The following MALRD1 variants were observed in gnomAD, a reference collection of about 807,000 sequenced individuals.
MALRD1 encodes the protein MAM and LDL receptor class A domain containing 1.
In MALRD1, 247 loss-of-function variants were observed where a neutral mutation model predicts 242.1. The observed-to-expected ratio is 1.02, with a 90% confidence interval of 0.92 to 1.13. The LOEUF (loss-of-function observed/expected upper bound fraction) is 1.13. Ranked by LOEUF, MALRD1 falls within the 50% of genes most tolerant of loss-of-function variation. The pLI, the probability that MALRD1 is intolerant of heterozygous loss-of-function variation, is 0.00. For missense variants in MALRD1, 2,989 were observed against 2,533.1 expected, an observed-to-expected ratio of 1.18 and a Z score of -3.86; for synonymous variants, 995 against 866.6, an observed-to-expected ratio of 1.15 and a Z score of -2.60.
chr10:19,520,690 C>T (rs1833838149), intron 31 of MALRD1, among the ~76,000 whole-genome samples: 1 of 144,756 alleles, frequency 6.9e-6, no homozygotes, highest in Non-Finnish European at 1.5e-5. Context: ...GGTTAGGGTC[C>T]TTCCTGTTTC....
At position 19,310,717 on chromosome 10, in the gene MALRD1, C is replaced by G. The variant is rs540806236; in HGVS notation, c.3420-13232C>G. Among the ~76,000 whole-genome samples the G allele has an allele frequency of 2.0e-5, 3 of 151,492 alleles. No individual in the cohort carries two copies. In the East Asian group the frequency reaches 5.9e-4, roughly 30 times the overall value. ...CCATGCAATTAATCCATCTGTTCTT[C>G]CAATATGACTCTATTTTGTGCCACT... is the stretch of plus-strand genomic sequence containing the variant. On this transcript the variant is annotated intron_variant, in intron 21 of 39. Coordinates refer to ENST00000454679, the MANE Select transcript of MALRD1 (RefSeq NM_001142308.3).
intron 35 of MALRD1, among the ~76,000 whole-genome samples, chr10:19,613,443 T>C (rs896550570): frequency 6.6e-6 from 1 of 151,968 alleles, no homozygotes; most frequent in Non-Finnish European, 1.5e-5. Context: ...CAGCCAGAAG[T>C]GTGGCCATTA....
chr10:19,375,492 A>G (rs1845556293), intron 26 of MALRD1, among the ~76,000 whole-genome samples: 1 of 152,128 alleles, frequency 6.6e-6, no homozygotes, highest in Non-Finnish European at 1.5e-5. Flanking sequence ...TCTTGTTGAT[A>G]TACCAAAATC....
At chr10:19,602,648 A>G (rs919042981) in intron 34 of MALRD1, among the ~76,000 whole-genome samples, 7 of 152,214 alleles carry the variant, frequency 4.6e-5, no homozygotes, top group East Asian at 1.9e-4. Context: ...TAGTGCCACA[A>G]TAAACATACG....
rs1477388096 is a variant in MALRD1 at position 19,524,544 on chromosome 10, C to T, written c.5321-6650C>T. Reference sequence around the variant, plus strand: ...GCACAAAAAGAGATTGAGAGCGTTTCACCTGATAGTCATTAGACACCCTTC... The same window carrying T: ...GCACAAAAAGAGATTGAGAGCGTTTTACCTGATAGTCATTAGACACCCTTC... On this transcript the variant is annotated intron_variant, in intron 31 of 39. Coordinates refer to ENST00000454679, the MANE Select transcript of MALRD1 (RefSeq NM_001142308.3). 3.3e-5 allele frequency among the ~76,000 whole-genome samples: 5 copies of T among 152,148 alleles called. No individual in the cohort carries two copies. In the South Asian group the frequency reaches 6.2e-4, roughly 19 times the overall value.
chr10:19,185,207 G>T (rs1302091721), intron 14 of MALRD1, among the ~76,000 whole-genome samples: 1 of 152,120 alleles, frequency 6.6e-6, no homozygotes, highest in Non-Finnish European at 1.5e-5. Flanking sequence ...AAACTATTTT[G>T]TACTGGCTGT....
intron 33 of MALRD1, among the ~76,000 whole-genome samples, chr10:19,587,094 G>C (rs966979266): frequency 6.6e-6 from 1 of 152,206 alleles, no homozygotes; most frequent in Non-Finnish European, 1.5e-5. Context: ...CTCGCGCACG[G>C]TGCATGCACC....
intron 12 of MALRD1, among the ~76,000 whole-genome samples, chr10:19,162,519 G>A (rs1834476601): frequency 1.3e-5 from 2 of 152,284 alleles, no homozygotes; most frequent in African/African-American, 2.4e-5. Flanking sequence ...GAGGCACAGA[G>A]TTTCCATACT....
chr10:19,254,352 C>T (rs554169205), intron 18 of MALRD1, among the ~76,000 whole-genome samples: 1 of 151,848 alleles, frequency 6.6e-6, no homozygotes, highest in Non-Finnish European at 1.5e-5. Flanking sequence ...TATCTGCTTA[C>T]CAGTTGGGAG....
intron 36 of MALRD1, among the ~76,000 whole-genome samples, chr10:19,632,000 A>G (rs1042782488): frequency 9.9e-5 from 15 of 152,162 alleles, no homozygotes; most frequent in African/African-American, 3.6e-4. Context: ...AGTATCAGTC[A>G]GGAACCTGGT....
chr10:19,575,574 A>C (rs1030592719), intron 33 of MALRD1, among the ~76,000 whole-genome samples: 1 of 152,246 alleles, frequency 6.6e-6, no homozygotes, highest in Non-Finnish European at 1.5e-5. Flanking sequence ...AATTTTTTTC[A>C]TAATAAGGAT....
intron 33 of MALRD1, among the ~76,000 whole-genome samples, chr10:19,593,483 C>T: frequency 6.6e-6 from 1 of 152,138 alleles, no homozygotes; most frequent in Non-Finnish European, 1.5e-5. Flanking sequence ...TCTCATACAA[C>T]CCATAAATAA....
At chr10:19,637,231 A>G (rs960687554) in intron 36 of MALRD1, among the ~76,000 whole-genome samples, 3 of 152,182 alleles carry the variant, frequency 2.0e-5, no homozygotes, top group African/African-American at 7.2e-5. Context: ...TGATGGTTTT[A>G]AAACTTTACC....
intron 12 of MALRD1, among the ~76,000 whole-genome samples, chr10:19,159,081 G>A (rs930179131): frequency 2.0e-5 from 3 of 152,104 alleles, no homozygotes; most frequent in Admixed American, 2.0e-4. Flanking sequence ...AGCACATAAA[G>A]ATTAATCATT....
chr10:19,282,138 A>G lies in MALRD1; in HGVS notation c.3257-881A>G, dbSNP rs374031871. On this transcript the variant is annotated intron_variant, in intron 20 of 39. Coordinates refer to ENST00000454679, the MANE Select transcript of MALRD1 (RefSeq NM_001142308.3). ...TTTCCGATAGTTCTATTAAAAGCCT[A>G]CAAATTATATATTTTAAATGATATG... 2.6e-5 allele frequency among the ~76,000 whole-genome samples: 4 copies of G among 152,272 alleles called. No individual in the cohort carries two copies. In the South Asian group the frequency reaches 8.3e-4, roughly 32 times the overall value.
intron 28 of MALRD1, among the ~76,000 whole-genome samples, chr10:19,413,342 T>C (rs1354381866): frequency 6.6e-6 from 1 of 152,122 alleles, no homozygotes; most frequent in African/African-American, 2.4e-5. Context: ...GTCTGAGATA[T>C]TGGTAGATTT....
At chr10:19,384,328 A>G (rs1316760196) in intron 26 of MALRD1, among the ~76,000 whole-genome samples, 1 of 128,672 alleles carries the variant, frequency 7.8e-6, no homozygotes, top group African/African-American at 2.9e-5. Context: ...ATATTATAGT[A>G]TATATAATAT....
chr10:19,254,121 C>T (rs1273910650), intron 18 of MALRD1, among the ~76,000 whole-genome samples: 1 of 152,006 alleles, frequency 6.6e-6, no homozygotes, highest in African/African-American at 2.4e-5. Flanking sequence ...GCAAATTACC[C>T]AGTCTTAGGC....
chr10:19,346,742 C>A (rs780928420), intron 24 of MALRD1, among the ~76,000 whole-genome samples: 1 of 152,214 alleles, frequency 6.6e-6, no homozygotes, highest in South Asian at 2.1e-4. Context: ...CCTCTACCTC[C>A]TGGGTTCAAG....
Sources: allele counts gnomAD v4.1 joint callset (sites outside exome capture counted in the v4.1 genomes callset), GRCh38; gene constraint gnomAD v4.1.1; transcripts MANE v1.5; gene names NCBI Gene and HGNC (gene_info 2026-07-23, HGNC 2026-07-21).